The following DMD variants were observed in gnomAD, a reference collection of about 807,000 sequenced individuals.
DMD encodes the protein dystrophin.
Under a neutral mutation model 330.1 loss-of-function variants are expected in DMD, and 63 were observed. The observed-to-expected ratio is 0.19, with a 90% CI of 0.16 to 0.24. The LOEUF is 0.24. Among genes scored for constraint, DMD ranks in the 10% least tolerant of loss-of-function variants. The pLI is 1.00. For missense variants in DMD, 3,344 were observed against 2,684.1 expected, an observed-to-expected ratio of 1.25 and a Z score of -5.43; for synonymous variants, 1,223 against 959.8, an observed-to-expected ratio of 1.27 and a Z score of -5.07.
chrX:32,447,651 A>G (rs1209413919), intron 27 of DMD, among the ~76,000 whole-genome samples: 1 of 111,894 alleles, frequency 8.9e-6, no homozygotes, highest in Non-Finnish European at 1.9e-5. Flanking sequence ...CACTTTATTA[A>G]CCATATTCAC....
chrX:33,252,308 T>G (rs1013758970), intron 1 of DMD, among the ~76,000 whole-genome samples: 1 of 111,195 alleles, frequency 9.0e-6, no homozygotes, highest in Admixed American at 9.6e-5. Flanking sequence ...ATTTTTTTCT[T>G]AAGTACTATC....
chrX:32,781,549 T>A (rs1023652967), intron 7 of DMD, among the ~76,000 whole-genome samples: 66 of 111,048 alleles, frequency 5.9e-4, no homozygotes, highest in African/African-American at 2.0e-3. Flanking sequence ...AGATTCTAAA[T>A]AAGTATTATG....
At chrX:31,383,721 T>C (rs2060301021) in intron 60 of DMD, among the ~76,000 whole-genome samples, 1 of 111,886 alleles carries the variant, frequency 8.9e-6, no homozygotes, top group African/African-American at 3.2e-5. Flanking sequence ...TTGGAAACTA[T>C]GGTTGTGCAT....
At chrX:32,335,435 ATATGGATGTAT>A (rs1379939099) in intron 41 of DMD, among the ~76,000 whole-genome samples, 14 of 104,997 alleles carry the variant, frequency 1.3e-4, no homozygotes, top group Non-Finnish European at 5.8e-5. Flanking sequence ...TATATGTTAT[ATATGGATGTAT>A]ATATGTATAT....
chrX:32,480,836 A>G (rs2041816907), intron 21 of DMD, among the ~76,000 whole-genome samples: 1 of 111,060 alleles, frequency 9.0e-6, no homozygotes, highest in Non-Finnish European at 1.9e-5. Flanking sequence ...TGGTATTGAT[A>G]AAAATAACAC....
At chrX:32,315,516 A>T (rs1008595534) in intron 41 of DMD, among the ~76,000 whole-genome samples, 4 of 98,407 alleles carry the variant, frequency 4.1e-5, no homozygotes, top group African/African-American at 1.9e-4. Flanking sequence ...AGTATAATTA[A>T]AAAAAAAAAG....
intron 42 of DMD, among the ~76,000 whole-genome samples, chrX:32,303,698 T>A (rs576245949): frequency 1.8e-5 from 2 of 109,871 alleles, no homozygotes; most frequent in African/African-American, 6.6e-5. Flanking sequence ...ACAGCGGCCG[T>A]TGGGGAGTAG....
intron 45 of DMD, among the ~76,000 whole-genome samples, chrX:31,942,270 C>T (rs1282651254): frequency 5.4e-5 from 6 of 111,669 alleles, no homozygotes; most frequent in Non-Finnish European, 7.5e-5. Flanking sequence ...CTAATTAGCT[C>T]GTGCCTCCTA....
At chrX:32,093,155 C>T (rs1414448524) in intron 44 of DMD, among the ~76,000 whole-genome samples, 2 of 112,119 alleles carry the variant, frequency 1.8e-5, no homozygotes, top group African/African-American at 6.5e-5. Flanking sequence ...TTCTTTAAAT[C>T]TATAACTCAA....
chrX:33,298,152 T>C (rs967813829), intron 1 of DMD, among the ~76,000 whole-genome samples: 2 of 111,312 alleles, frequency 1.8e-5, no homozygotes, highest in African/African-American at 3.3e-5. Context: ...AAACTGATAT[T>C]TAGCCACAAG....
At chrX:31,571,258 T>C (rs2075802752) in intron 55 of DMD, among the ~76,000 whole-genome samples, 1 of 75,136 alleles carries the variant, frequency 1.3e-5, no homozygotes, top group East Asian at 4.1e-4. Context: ...TAAAGGGGTG[T>C]GTGTGTGTGT....
chrX:31,158,582 T>C (rs2038434378), intron 74 of DMD, among the ~76,000 whole-genome samples: 1 of 111,988 alleles, frequency 8.9e-6, no homozygotes, highest in African/African-American at 3.3e-5. Context: ...TGATTACTAA[T>C]ACTGGTTAAC....
chrX:33,287,392 G>A (rs1247079309), intron 1 of DMD, among the ~76,000 whole-genome samples: 1 of 109,482 alleles, frequency 9.1e-6, no homozygotes, highest in East Asian at 2.9e-4. Flanking sequence ...CAGTAATTAC[G>A]ATAAAAAAAA....
chrX:31,379,197 A>C (rs1056420027), intron 60 of DMD, among the ~76,000 whole-genome samples: 2 of 109,304 alleles, frequency 1.8e-5, no homozygotes, highest in Non-Finnish European at 3.8e-5. Flanking sequence ...AGGCCCAATT[A>C]TTCCTCAGCC....
chrX:32,456,910 G>C (rs2098361760), intron 25 of DMD, among the ~76,000 whole-genome samples: 1 of 103,767 alleles, frequency 9.6e-6, no homozygotes, highest in African/African-American at 3.5e-5. Context: ...GTGTTGAGTG[G>C]GCAAATGGGT....
intron 30 of DMD, among the ~76,000 whole-genome samples, chrX:32,408,430 A>G (rs1183430874): frequency 2.7e-5 from 3 of 112,327 alleles, no homozygotes; most frequent in Non-Finnish European, 5.6e-5. Flanking sequence ...TTTATATATA[A>G]CAAGAGTATG....
At chrX:32,038,328 C>T (rs2095968049) in intron 44 of DMD, among the ~76,000 whole-genome samples, 1 of 111,966 alleles carries the variant, frequency 8.9e-6, no homozygotes, top group African/African-American at 3.2e-5. Context: ...ACCTTTCCTA[C>T]ACTTTTTATT....
At chrX:32,255,335 TGTTA>T (rs992359755) in intron 43 of DMD, among the ~76,000 whole-genome samples, 1 of 111,557 alleles carries the variant, frequency 9.0e-6, no homozygotes, top group African/African-American at 3.3e-5. Flanking sequence ...AATAGTTCTT[TGTTA>T]AATTTTATTT....
chrX:32,280,875 G>A (rs1195075640), intron 43 of DMD, among the ~76,000 whole-genome samples: 1 of 112,385 alleles, frequency 8.9e-6, no homozygotes, highest in Non-Finnish European at 1.9e-5. Flanking sequence ...GATTACAACT[G>A]AGATAGCAAA....
Sources: allele counts gnomAD v4.1 joint callset (sites outside exome capture counted in the v4.1 genomes callset), GRCh38; gene constraint gnomAD v4.1.1; transcripts MANE v1.5; gene names NCBI Gene and HGNC (gene_info 2026-07-23, HGNC 2026-07-21).